ALPK1: variants seen among roughly 807,000 people sequenced by gnomAD.
ALPK1 encodes alpha-protein kinase 1.
ALPK1 carries 110 observed loss-of-function variants against 120.6 expected under a neutral mutation model. The ratio of observed to expected loss-of-function variants is 0.91; its 90% confidence interval spans 0.78 to 1.07. ALPK1 has a LOEUF of 1.07. Ranked by LOEUF, ALPK1 falls within the 50% of genes least tolerant of loss-of-function variation. The probability of loss-of-function intolerance (pLI) is 0.00; values close to 1 mark genes in which losing one functional copy is unlikely to be tolerated. For synonymous variants in ALPK1, 582 were observed against 560.3 expected (o/e 1.04, Z -0.55); for missense variants, 1,498 against 1,483.9 (o/e 1.01, Z -0.16).
intron 2 of ALPK1, among the ~76,000 whole-genome samples, chr4:112,338,866 G>T (rs1203326753): frequency 6.6e-6 from 1 of 152,146 alleles, no homozygotes; most frequent in African/African-American, 2.4e-5. Flanking sequence ...AATTATAACT[G>T]GTCACCTACC....
At chr4:112,412,626 A>G (rs1733540331) in intron 5 of ALPK1, among the ~76,000 whole-genome samples, 1 of 152,132 alleles carries the variant, frequency 6.6e-6, no homozygotes, top group Admixed American at 6.6e-5. Flanking sequence ...GGGGCCTGCT[A>G]TGCGTTACTG....
At chr4:112,388,225 G>T (rs1732238825) in intron 4 of ALPK1, among the ~76,000 whole-genome samples, 1 of 151,954 alleles carries the variant, frequency 6.6e-6, no homozygotes, top group Non-Finnish European at 1.5e-5. Context: ...ATGTTAGAGG[G>T]GTGAGATTTA....
At chr4:112,311,286 A>G (rs1728390407) in intron 1 of ALPK1, among the ~76,000 whole-genome samples, 1 of 152,214 alleles carries the variant, frequency 6.6e-6, no homozygotes, top group South Asian at 2.1e-4. Flanking sequence ...GTTAATAACA[A>G]TAAGTGGCAT....
At chr4:112,376,304 C>T (rs1731656715) in intron 2 of ALPK1, among the ~76,000 whole-genome samples, 2 of 152,188 alleles carry the variant, frequency 1.3e-5, no homozygotes, top group Admixed American at 6.5e-5. Context: ...TTGTGTTCTT[C>T]ATCAACAAAT....
intron 2 of ALPK1, among the ~76,000 whole-genome samples, chr4:112,335,310 C>CATTT (rs976697165): frequency 2.0e-5 from 3 of 150,108 alleles, no homozygotes; most frequent in African/African-American, 7.4e-5. Flanking sequence ...GAAATGCAGT[C>CATTT]ATTTGCTTTT....
chr4:112,325,360 T>C (rs184512703), intron 2 of ALPK1, among the ~76,000 whole-genome samples: 7 of 152,288 alleles, frequency 4.6e-5, no homozygotes, highest in African/African-American at 1.7e-4. Context: ...TATGAATAAA[T>C]ATGGTCAGAC....
At chr4:112,357,372 TG>T in intron 2 of ALPK1, 2 of 707,988 alleles carry the variant, frequency 2.8e-6, no homozygotes, top group Non-Finnish European at 2.5e-6. Context: ...CTGGCAGGGC[TG>T]GGGGCCTATA....
At chr4:112,364,886 G>A (rs1332654609) in intron 2 of ALPK1, among the ~76,000 whole-genome samples, 1 of 152,178 alleles carries the variant, frequency 6.6e-6, no homozygotes, top group Non-Finnish European at 1.5e-5. Flanking sequence ...TACCAGGGAT[G>A]CAGGGATGGT....
chr4:112,359,027 A>G (rs1385742071), intron 2 of ALPK1: 1 of 764,890 alleles, frequency 1.3e-6, no homozygotes, highest in Admixed American at 1.7e-5. Context: ...GCTATCGGCC[A>G]GAGCACAGCA....
chr4:112,321,614 T>C (rs1354962548), intron 2 of ALPK1, among the ~76,000 whole-genome samples: 2 of 152,230 alleles, frequency 1.3e-5, no homozygotes, highest in Admixed American at 6.5e-5. Context: ...CAACAATCAT[T>C]CAGGAGCAGG....
chr4:112,366,001 C>A (rs967985656), intron 2 of ALPK1, among the ~76,000 whole-genome samples: 11 of 152,074 alleles, frequency 7.2e-5, no homozygotes, highest in African/African-American at 2.7e-4. Flanking sequence ...ATTGGCAAGC[C>A]ATATGTAGAA....
chr4:112,415,004 C>T (rs1297857299), intron 5 of ALPK1: 1 of 152,162 alleles, frequency 6.6e-6, no homozygotes, highest in Non-Finnish European at 1.5e-5. Context: ...AAGGTTTGCA[C>T]AGGCTACAAA....
At chr4:112,384,241 C>T (rs1732051596) in intron 4 of ALPK1, 1 of 152,104 alleles carries the variant, frequency 6.6e-6, no homozygotes, top group South Asian at 2.1e-4. Context: ...TCAGGAAGCA[C>T]CAAGTGAAGA....
In ALPK1 at chr4:112,338,065, C is replaced by T. The variant is rs188967616; in HGVS notation, c.-101+22213C>T. On this transcript the variant is annotated intron_variant, in intron 2 of 15. Transcript: ENST00000650871. ...CACTGAAACCTCTGCCTCCCATGTT[C>T]GAGCCATTCTCCTACCTCAGCTTCC... 2.7e-3 allele frequency among the ~76,000 whole-genome samples: 406 copies of T among 152,266 alleles called. 2 individuals are homozygous for T. The highest frequency in any genetic ancestry group is 4.7e-3 in the Non-Finnish European group (318 of 68,024).
Position 112,425,664 on chromosome 4 carries a change from G to C in ALPK1, c.536-1G>C. On this transcript the variant is annotated splice_acceptor_variant, in intron 6 of 15. Coordinates refer to ENST00000650871, the MANE Select transcript of ALPK1 (RefSeq NM_025144.4). LOFTEE classifies it high-confidence loss of function. ...AAGGGAATTTTCATCTTTTCTTTTA[G>C]GTACCTGGCTGTACAGAAATGAAAG... is the stretch of plus-strand genomic sequence containing the variant. 1 of 1,611,388 alleles carries C rather than the reference G, an allele frequency of 6.2e-7. No homozygotes were observed. Among genetic ancestry groups the C allele is most frequent in the Non-Finnish European group, 8.5e-7 (1 of 1,178,132 alleles).
rs551762221 is a variant in ALPK1 at position 112,407,976 on chromosome 4, G to A, written c.277-3851G>A. Among the ~76,000 whole-genome samples the A allele has an allele frequency of 1.5e-4, 23 of 152,196 alleles. No homozygotes were observed. The South Asian group carries it at 3.3e-3, about 22-fold the overall frequency. On this transcript the variant is annotated intron_variant, in intron 4 of 15. Transcript: ENST00000650871. ...ACAAAAATTAGCCGGGCGTGGTGGC[G>A]TGCACCTGTAGTCCCTGCTACTCAG...
Position 112,442,004 on chromosome 4 carries a change from C to A in ALPK1, c.*794C>A, listed in dbSNP as rs757660531. 3.3e-5 allele frequency: 5 copies of A among 152,808 alleles called. No homozygotes were observed. The highest frequency in any genetic ancestry group is 6.5e-5 in the Admixed American group (1 of 15,282). 9.5% of individuals were successfully genotyped at this position (152,808 alleles called of 1,614,324 possible). ...AAAGAGGTTTAATTAACTCACAGTT[C>A]CACATGGCTGGGGAGACCTCAGGAA... On this transcript the variant is annotated 3_prime_UTR_variant, in exon 16 of 16. Transcript: ENST00000650871.
chr4:112,419,441 G>A (rs1005023895), intron 5 of ALPK1, among the ~76,000 whole-genome samples: 4 of 151,298 alleles, frequency 2.6e-5, no homozygotes, highest in East Asian at 2.0e-4. Flanking sequence ...ATTAAAAATA[G>A]CACAGCAATG....
At chr4:112,418,284 A>G (rs1476835990) in intron 5 of ALPK1, among the ~76,000 whole-genome samples, 1 of 152,222 alleles carries the variant, frequency 6.6e-6, no homozygotes, top group Admixed American at 6.5e-5. Context: ...TGTTGGGGGA[A>G]GCCATCCACG....
Sources: gnomAD v4.1 joint callset for allele counts (sites outside exome capture counted in the v4.1 genomes callset) on GRCh38, gnomAD v4.1.1 for gene constraint, MANE v1.5 for transcripts, NCBI Gene and HGNC (gene_info 2026-07-23, HGNC 2026-07-21) for gene names.